CACNG2: variants seen among roughly 807,000 people sequenced by gnomAD.
CACNG2 encodes voltage-dependent calcium channel gamma-2 subunit.
Under a neutral mutation model 25.9 loss-of-function variants are expected in CACNG2, and 3 were observed. The observed-to-expected ratio is 0.12, with a 90% CI of 0.05 to 0.30. CACNG2 has a LOEUF of 0.30. Among genes scored for constraint, CACNG2 ranks in the 10% least tolerant of loss-of-function variants. The pLI is 1.00. For missense variants in CACNG2, 341 were observed against 432.5 expected (o/e 0.79, Z 1.88); for synonymous variants, 167 against 173.3 (o/e 0.96, Z 0.29).
At chr22:36,586,593 ACATGCTT>A (rs1448538435) in intron 2 of CACNG2, among the ~76,000 whole-genome samples, 1 of 152,194 alleles carries the variant, frequency 6.6e-6, no homozygotes, top group Non-Finnish European at 1.5e-5. Flanking sequence ...AATGCCTCCT[ACATGCTT>A]CATAAAAGTG....
chr22:36,629,093 G>A (rs548600953), intron 1 of CACNG2, among the ~76,000 whole-genome samples: 169 of 152,280 alleles, frequency 1.1e-3, no homozygotes, highest in South Asian at 5.0e-3. Flanking sequence ...TGCTTGTTAC[G>A]GCAAGAATAA....
intron 1 of CACNG2, among the ~76,000 whole-genome samples, chr22:36,637,217 T>G (rs140526): frequency 0.6 from 91,028 of 152,004 alleles, 29,883 homozygotes; most frequent in East Asian, 0.85. Flanking sequence ...AAAGCTCTCA[T>G]TAGGGCCAAG....
chr22:36,695,311 T>C (rs76656472), intron 1 of CACNG2, among the ~76,000 whole-genome samples: 34 of 152,318 alleles, frequency 2.2e-4, no homozygotes, highest in African/African-American at 7.7e-4. Context: ...CCCCATTCTG[T>C]AGGTGAGTAT....
chr22:36,687,924 A>C (rs1937222147), intron 1 of CACNG2, among the ~76,000 whole-genome samples: 1 of 152,192 alleles, frequency 6.6e-6, no homozygotes, highest in Non-Finnish European at 1.5e-5. Context: ...AGCCCTGCCC[A>C]CACCTTGGTT....
intron 1 of CACNG2, among the ~76,000 whole-genome samples, chr22:36,598,546 A>T (rs1320986853): frequency 6.6e-6 from 1 of 150,674 alleles, no homozygotes; most frequent in Non-Finnish European, 1.5e-5. Flanking sequence ...TGAACCCAGG[A>T]GGCAGAGGTT....
Position 36,702,643 on chromosome 22 carries a change from T to A in CACNG2, c.-67A>T. On this transcript the variant is annotated 5_prime_UTR_variant, in exon 1 of 4. Coordinates refer to ENST00000300105, the MANE Select transcript of CACNG2 (RefSeq NM_006078.5). ...GGGAGAGTGTGTGTGAGGGTGCAAG[T>A]ACTAAAGCCAAAAAAAATAAATAAA... 8.4e-7 allele frequency: 1 copy of A among 1,184,304 alleles called. No individual in the cohort carries two copies. The highest frequency in any genetic ancestry group is 1.3e-6 in the Non-Finnish European group (1 of 791,968). 73.4% of individuals were successfully genotyped at this position (1,184,304 alleles called of 1,614,324 possible). A position where few individuals can be genotyped will look rare whatever the true frequency, so the allele number is the denominator to read the frequency against.
At chr22:36,646,948 G>A (rs538050914) in intron 1 of CACNG2, among the ~76,000 whole-genome samples, 10 of 152,176 alleles carry the variant, frequency 6.6e-5, no homozygotes, top group Non-Finnish European at 1.3e-4. Flanking sequence ...TCTGATCACA[G>A]GGGCAGGCAT....
chr22:36,614,647 C>A (rs78462441), intron 1 of CACNG2, among the ~76,000 whole-genome samples: 238 of 152,296 alleles, frequency 1.6e-3, no homozygotes, highest in African/African-American at 5.6e-3. Flanking sequence ...GTCAGCACAT[C>A]CACAGAGAGC....
chr22:36,599,062 AC>A (rs1330314884), intron 1 of CACNG2, among the ~76,000 whole-genome samples: 1 of 152,234 alleles, frequency 6.6e-6, no homozygotes, highest in African/African-American at 2.4e-5. Flanking sequence ...TTGAAGAAAC[AC>A]TTGCATACAT....
At chr22:36,593,394 A>C (rs1353198398) in intron 1 of CACNG2, among the ~76,000 whole-genome samples, 2 of 152,186 alleles carry the variant, frequency 1.3e-5, no homozygotes, top group Non-Finnish European at 2.9e-5. Context: ...GGAGTCGGAC[A>C]GGTAGGCTGG....
intron 1 of CACNG2, among the ~76,000 whole-genome samples, chr22:36,667,600 T>G (rs1936892229): frequency 1.3e-5 from 2 of 152,126 alleles, no homozygotes; most frequent in Admixed American, 1.3e-4. Flanking sequence ...AGCATATGCC[T>G]AGGTGATGGG....
At chr22:36,636,941 T>C (rs528299249) in intron 1 of CACNG2, among the ~76,000 whole-genome samples, 22 of 152,322 alleles carry the variant, frequency 1.4e-4, no homozygotes, top group African/African-American at 5.3e-4. Flanking sequence ...CCAAGATCCA[T>C]ACTTGATCCC....
intron 1 of CACNG2, among the ~76,000 whole-genome samples, chr22:36,691,962 T>C (rs1937272421): frequency 1.3e-5 from 2 of 152,180 alleles, no homozygotes; most frequent in Admixed American, 1.3e-4. Context: ...AAGGATAACA[T>C]GTATCCCTTA....
At chr22:36,662,692 T>C (rs1267845431) in intron 1 of CACNG2, among the ~76,000 whole-genome samples, 1 of 152,208 alleles carries the variant, frequency 6.6e-6, no homozygotes, top group African/African-American at 2.4e-5. Context: ...CTGAGTGTGT[T>C]CACCTACATA....
intron 1 of CACNG2, among the ~76,000 whole-genome samples, chr22:36,607,528 G>T (rs575945176): frequency 6.6e-6 from 1 of 152,196 alleles, no homozygotes; most frequent in Non-Finnish European, 1.5e-5. Context: ...ACAGATGTGA[G>T]CCACTGCACC....
At chr22:36,643,615 T>C (rs1490812925) in intron 1 of CACNG2, among the ~76,000 whole-genome samples, 5 of 151,964 alleles carry the variant, frequency 3.3e-5, no homozygotes, top group African/African-American at 1.2e-4. Context: ...AGGTCAGGAC[T>C]GGAGGAGAAG....
intron 1 of CACNG2, among the ~76,000 whole-genome samples, chr22:36,683,497 G>C (rs1343475461): frequency 6.6e-6 from 1 of 152,148 alleles, no homozygotes; most frequent in Non-Finnish European, 1.5e-5. Context: ...TATTATCCCA[G>C]CCCTTCCTAA....
chr22:36,645,557 A>AG (rs1936509631), intron 1 of CACNG2, among the ~76,000 whole-genome samples: 2 of 146,064 alleles, frequency 1.4e-5, no homozygotes, highest in Admixed American at 6.8e-5. Flanking sequence ...AAAAAAAAAA[A>AG]AAAAAAAAAG....
At position 36,584,828 on chromosome 22, in the gene CACNG2, C is replaced by T. The variant is rs1175709653; in HGVS notation, c.295+2637G>A. ...CCTCAGGGAGAGGAGCTGCTTCTGC[C>T]CCCTCACAGCCTCCCCTGCGGCAGA... On this transcript the variant is annotated intron_variant, in intron 2 of 3. Coordinates refer to ENST00000300105, the MANE Select transcript of CACNG2 (RefSeq NM_006078.5). 4 of 152,240 alleles carry T rather than the reference C, an allele frequency of 2.6e-5. No homozygotes were observed. The East Asian group carries it at 7.7e-4, about 29-fold the overall frequency. The allele number at this position is 152,240 out of a possible 1,614,324, so 9.4% of individuals were successfully genotyped here.
Sources: gnomAD v4.1 joint callset for allele counts (sites outside exome capture counted in the v4.1 genomes callset) on GRCh38, gnomAD v4.1.1 for gene constraint, MANE v1.5 for transcripts, NCBI Gene and HGNC (gene_info 2026-07-23, HGNC 2026-07-21) for gene names.